Variants in GGT1 observed in about 807,000 individuals in gnomAD.
GGT1 encodes the protein gamma-glutamyltransferase 1, also known as glutathione hydrolase 1 proenzyme.
In GGT1, 21 loss-of-function variants were observed where a neutral mutation model predicts 56.0. That is an observed-to-expected ratio of 0.38 (90% CI 0.27 to 0.54). The LOEUF (loss-of-function observed/expected upper bound fraction) is 0.54. Ranked by LOEUF, GGT1 falls within the 20% of genes least tolerant of loss-of-function variation. The pLI is 0.82. For synonymous variants in GGT1, 238 were observed against 342.6 expected (o/e 0.69, Z 3.37); for missense variants, 466 against 787.0 (o/e 0.59, Z 4.88).
At chr22:24,589,234 T>C in the GGT1 span, 1 of 1,262,696 alleles carries the variant, frequency 7.9e-7, no homozygotes, top group Non-Finnish European at 1.0e-6. Context: ...GCAGGACATC[T>C]GCAGGTGCTG....
chr22:24,583,861 G>A, the GGT1 span: 2 of 461,510 alleles, frequency 4.3e-6, no homozygotes, highest in African/African-American at 4.0e-5. Context: ...TAGGGCCAGT[G>A]GTGGGCAGGG....
At chr22:24,605,102 T>TTATATTATATATTATATAATATGTAA (rs1569047772) in intron 1 of GGT1, among the ~76,000 whole-genome samples, 1 of 5,120 alleles carries the variant, frequency 2.0e-4, no homozygotes, top group Non-Finnish European at 3.1e-4. Context: ...ATAATATGTA[T>TTATATTATATATTATATAATATGTAA]TATATTATAT....
upstream of GGT1, among the ~76,000 whole-genome samples, chr22:24,594,384 C>CGTGTGTGTGTGTGT (rs762877347): frequency 1.0e-3 from 142 of 140,190 alleles, no homozygotes; most frequent in Middle Eastern, 0.011. Flanking sequence ...GCCAAGCACC[C>CGTGTGTGTGTGTGT]GTGTGTATGT....
chr22:24,615,252 C>G (rs964272860), intron 7 of GGT1, 125 bp downstream of exon 7: 2 of 665,472 alleles, frequency 3.0e-6, no homozygotes, highest in African/African-American at 3.6e-5. Flanking sequence ...CCATCCCTTC[C>G]TGTCCCCATA....
chr22:24,609,653 T>C (rs2147310493), intron 2 of GGT1: 1 of 285,794 alleles, frequency 3.5e-6, no homozygotes, highest in Non-Finnish European at 7.3e-6. Context: ...TGGAGGGGCT[T>C]GCTGGCAGAC....
chr22:24,592,770 G>A, upstream of GGT1: 1 of 1,286,350 alleles, frequency 7.8e-7, no homozygotes, highest in East Asian at 3.6e-5. Flanking sequence ...GGCGGATACA[G>A]GCCCACAACC....
chr22:24,622,822 A>G (rs201152676), intron 9 of GGT1, among the ~76,000 whole-genome samples: 2 of 152,090 alleles, frequency 1.3e-5, no homozygotes, highest in African/African-American at 4.8e-5. Context: ...CAAGCAGGCA[A>G]AGGGCAGGTG....
chr22:24,586,293 C>T, the GGT1 span: 1 of 1,614,006 alleles, frequency 6.2e-7, no homozygotes, highest in African/African-American at 1.3e-5. Context: ...ACCGCCAGCA[C>T]AGCACCATGG....
upstream of GGT1, chr22:24,592,418 C>G: frequency 2.1e-6 from 1 of 470,576 alleles, no homozygotes. Flanking sequence ...CACTGTCTCC[C>G]GGATCCTGGA....
At chr22:24,585,811 C>T in the GGT1 span, 3 of 1,393,366 alleles carry the variant, frequency 2.2e-6, no homozygotes, top group Non-Finnish European at 2.9e-6. Context: ...GTGAGTCCTC[C>T]TTGACCTTCA....
chr22:24,585,994 C>G, the GGT1 span: 19 of 1,610,796 alleles, frequency 1.2e-5, no homozygotes, highest in Non-Finnish European at 1.6e-5. Context: ...GCTCAAGGTC[C>G]AGGCCCTCGT....
upstream of GGT1, among the ~76,000 whole-genome samples, chr22:24,590,624 CCT>C (rs1355469415): frequency 1.3e-5 from 2 of 152,140 alleles, no homozygotes; most frequent in African/African-American, 2.4e-5. Context: ...CTCAAATTCC[CCT>C]GTCCCCCAGT....
At chr22:24,593,030 G>T (rs1203999119), upstream of GGT1, 2 of 1,055,668 alleles carry the variant, frequency 1.9e-6, no homozygotes, top group Non-Finnish European at 1.1e-6. Flanking sequence ...CGGCCCAGCC[G>T]CGCCCCCATG....
rs755088719 is a variant in GGT1, at chr22:24,620,385, G to A, written c.440G>A (p.Arg147Gln). The A allele has an allele frequency of 2.5e-5, 40 of 1,611,372 alleles. No individual in the cohort carries two copies. Among genetic ancestry groups the A allele is most frequent in the African/African-American group, 2.7e-5 (2 of 74,872 alleles). Residue 147 changes from arginine (R) to glutamine (Q), a missense_variant, in exon 8 of 16, where the codon CGG becomes CAG. Around this residue, in one of 2 missense-constraint regions of GGT1, gnomAD observed 456 missense variants for 716.7 expected, o/e 0.64. Coordinates refer to ENST00000400382, the MANE Select transcript of GGT1 (RefSeq NM_001288833.2). The surrounding 1 kb of genome is among the most constrained non-coding windows in gnomAD (Gnocchi z 5.6). ...EIRGYELAHQ[R>Q]HGRLPWARLF... ...CGAGGCTATGAGCTGGCACACCAGC[G>A]GCATGGGCGGCTGCCCTGGGCTCGC...
At chr22:24,608,738 A>T (rs1264864570) in intron 2 of GGT1, among the ~76,000 whole-genome samples, 1 of 151,908 alleles carries the variant, frequency 6.6e-6, no homozygotes, top group Non-Finnish European at 1.5e-5. Flanking sequence ...CCTCACTGCA[A>T]CCTCCACCTC....
At chr22:24,583,997 G>A in the GGT1 span, among the ~76,000 whole-genome samples, 38 of 152,364 alleles carry the variant, frequency 2.5e-4, no homozygotes, top group East Asian at 3.1e-3. Flanking sequence ...CTCTCATACC[G>A]TTTTGATTTA....
intron 9 of GGT1, among the ~76,000 whole-genome samples, chr22:24,622,286 C>T (rs139431893): frequency 0.066 from 9,964 of 152,022 alleles, 454 homozygotes; most frequent in Non-Finnish European, 0.1. Context: ...AAAACCCGGC[C>T]GGGCATGGTG....
the GGT1 span, chr22:24,586,049 C>G: frequency 6.2e-7 from 1 of 1,611,556 alleles, no homozygotes; most frequent in Non-Finnish European, 8.5e-7. Flanking sequence ...CCGGCGCAGG[C>G]CGACCAGCAG....
At chr22:24,602,791 G>T (rs2045805909), upstream of GGT1, among the ~76,000 whole-genome samples, 1 of 152,182 alleles carries the variant, frequency 6.6e-6, no homozygotes, top group Non-Finnish European at 1.5e-5. Flanking sequence ...CTGCCCTGGG[G>T]TTGTAGAGGT....
Sources: gnomAD v4.1 joint callset for allele counts (sites outside exome capture counted in the v4.1 genomes callset) on GRCh38, gnomAD v4.1.1 for gene constraint, gnomAD v4.1.1 regional missense constraint, Gnocchi (gnomAD v3.1) non-coding constraint, MANE v1.5 for transcripts, NCBI Gene and HGNC (gene_info 2026-07-23, HGNC 2026-07-21) for gene names.